The following FHIT variants were observed in gnomAD, a reference collection of about 807,000 sequenced individuals.
FHIT encodes the protein fragile histidine triad diadenosine triphosphatase.
In FHIT, 19 loss-of-function variants were observed where a neutral mutation model predicts 17.9. The ratio of observed to expected loss-of-function variants is 1.06; its 90% confidence interval spans 0.74 to 1.56. The LOEUF (loss-of-function observed/expected upper bound fraction) is 1.56. Among genes scored for constraint, FHIT ranks in the 40% most tolerant of loss-of-function variants. FHIT has a pLI of 0.00. For synonymous variants in FHIT, 81 were observed against 69.7 expected, an observed-to-expected ratio of 1.16 and a Z score of -0.81; for missense variants, 248 against 189.2, an observed-to-expected ratio of 1.31 and a Z score of -1.82.
At chr3:60,268,227 T>A (rs1242397296) in intron 5 of FHIT, among the ~76,000 whole-genome samples, 2 of 152,224 alleles carry the variant, frequency 1.3e-5, no homozygotes, top group African/African-American at 4.8e-5. Context: ...TTATGCTGAA[T>A]AATCTCTATC....
intron 5 of FHIT, among the ~76,000 whole-genome samples, chr3:60,222,528 C>T (rs186658481): frequency 1.5e-4 from 23 of 152,308 alleles, no homozygotes; most frequent in Admixed American, 7.2e-4. Context: ...GGGTGGCTCA[C>T]GCCTGTAATC....
At chr3:60,228,741 T>G (rs1372490091) in intron 5 of FHIT, among the ~76,000 whole-genome samples, 2 of 152,196 alleles carry the variant, frequency 1.3e-5, no homozygotes, top group African/African-American at 2.4e-5. Context: ...AAAACAATAT[T>G]AGATACCAAC....
chr3:60,234,875 T>C (rs1023023003), intron 5 of FHIT, among the ~76,000 whole-genome samples: 1 of 151,072 alleles, frequency 6.6e-6, no homozygotes, highest in African/African-American at 2.5e-5. Context: ...TAATCCTTCT[T>C]TGAGATGTTG....
intron 4 of FHIT, among the ~76,000 whole-genome samples, chr3:60,803,568 G>A (rs1701275391): frequency 6.6e-6 from 1 of 152,182 alleles, no homozygotes; most frequent in Non-Finnish European, 1.5e-5. Flanking sequence ...CCTTTTATGT[G>A]GAAAGTTACT....
At chr3:60,021,631 C>G (rs993266451) in intron 5 of FHIT, among the ~76,000 whole-genome samples, 1 of 152,114 alleles carries the variant, frequency 6.6e-6, no homozygotes, top group Non-Finnish European at 1.5e-5. Flanking sequence ...ATCAATAACC[C>G]TTTGAGTTAG....
chr3:60,494,690 G>A (rs543877808), intron 5 of FHIT, among the ~76,000 whole-genome samples: 17 of 152,054 alleles, frequency 1.1e-4, no homozygotes, highest in East Asian at 3.9e-4. Flanking sequence ...GAATTGTTTC[G>A]ATTTTTAGAT....
chr3:60,630,786 G>T (rs77785131), intron 4 of FHIT, among the ~76,000 whole-genome samples: 1,669 of 152,060 alleles, frequency 0.011, 38 homozygotes, highest in African/African-American at 0.039. Context: ...CTATCTTGAC[G>T]TCCCTCTGGT....
rs1559916389 is a variant in FHIT at position 60,441,793 on chromosome 3, T to TACACACAC, written c.103+95066_103+95067insGTGTGTGT. 2.8e-4 allele frequency among the ~76,000 whole-genome samples: 31 copies of TACACACAC among 111,234 alleles called. 1 individual carries two copies. The highest frequency in any genetic ancestry group is 4.4e-3 in the Middle Eastern group (1 of 226). 73.0% of individuals were successfully genotyped at this position (111,234 alleles called of 152,430 possible). On this transcript the variant is annotated intron_variant, in intron 5 of 9. Transcript: ENST00000492590. ...ATTTATATGTATAAAAATATATATATATATATATATATATATATATATCAG... is the reference window on the plus strand; with the variant it reads ...ATTTATATGTATAAAAATATATATATACACACACATATATATATATATATATATATCAG...
chr3:60,890,539 A>G (rs1705462846), intron 3 of FHIT, among the ~76,000 whole-genome samples: 1 of 152,238 alleles, frequency 6.6e-6, no homozygotes, highest in African/African-American at 2.4e-5. Flanking sequence ...AACTGAAACA[A>G]TAACCCAAAC....
intron 5 of FHIT, among the ~76,000 whole-genome samples, chr3:60,339,444 A>G (rs759898710): frequency 5.3e-5 from 8 of 152,176 alleles, no homozygotes; most frequent in Non-Finnish European, 1.0e-4. Context: ...ACCAGGCAGC[A>G]GTAACTTCTT....
At chr3:60,450,500 A>G (rs2031665897) in intron 5 of FHIT, among the ~76,000 whole-genome samples, 1 of 152,180 alleles carries the variant, frequency 6.6e-6, no homozygotes, top group African/African-American at 2.4e-5. Flanking sequence ...GAATAAACAG[A>G]AAAAGTCCAT....
chr3:60,352,531 T>A (rs1428718095), intron 5 of FHIT, among the ~76,000 whole-genome samples: 2 of 152,108 alleles, frequency 1.3e-5, no homozygotes, highest in African/African-American at 4.8e-5. Context: ...AGATGGAGTC[T>A]TACTCTGTCA....
intron 1 of FHIT, among the ~76,000 whole-genome samples, chr3:61,219,093 T>C (rs888705653): frequency 2.0e-5 from 3 of 152,232 alleles, no homozygotes; most frequent in East Asian, 1.9e-4. Context: ...AGCATGTTAC[T>C]GTCCTAAATG....
At chr3:60,097,854 T>G in intron 5 of FHIT, among the ~76,000 whole-genome samples, 1 of 128,446 alleles carries the variant, frequency 7.8e-6, no homozygotes, top group African/African-American at 2.9e-5. Context: ...CCTAATGCTA[T>G]CCCTCCCCCC....
chr3:60,697,758 A>C (rs2107900281), intron 4 of FHIT, among the ~76,000 whole-genome samples: 1 of 152,284 alleles, frequency 6.6e-6, no homozygotes, highest in East Asian at 1.9e-4. Context: ...GCGGACTATA[A>C]ACATAAGTAT....
At chr3:60,510,722 A>C (rs945195749) in intron 5 of FHIT, among the ~76,000 whole-genome samples, 36 of 152,088 alleles carry the variant, frequency 2.4e-4, no homozygotes, top group African/African-American at 6.3e-4. Flanking sequence ...ACCTCCCCCC[A>C]CACACACAAT....
chr3:60,347,695 T>TTTTTG (rs1213090822), intron 5 of FHIT, among the ~76,000 whole-genome samples: 2 of 148,352 alleles, frequency 1.3e-5, no homozygotes, highest in Non-Finnish European at 3.0e-5. Context: ...GGGGGTTTGT[T>TTTTTG]TTTTGTTTTG....
intron 1 of FHIT, among the ~76,000 whole-genome samples, chr3:61,210,841 G>T (rs967720476): frequency 6.6e-6 from 1 of 151,866 alleles, no homozygotes. Context: ...ACTCCCCAGT[G>T]AGATGAACCT....
At chr3:60,888,238 C>A (rs77879085) in intron 3 of FHIT, among the ~76,000 whole-genome samples, 7 of 152,224 alleles carry the variant, frequency 4.6e-5, no homozygotes, top group South Asian at 2.1e-4. Flanking sequence ...GCTAAAGCAC[C>A]GCATTTTCTC....
Sources: allele counts gnomAD v4.1 joint callset (sites outside exome capture counted in the v4.1 genomes callset), GRCh38; gene constraint gnomAD v4.1.1; transcripts MANE v1.5; gene names NCBI Gene and HGNC (gene_info 2026-07-23, HGNC 2026-07-21).